RAB31: variants seen among roughly 807,000 people sequenced by gnomAD.
RAB31 encodes the protein RAB31, member RAS oncogene family.
A neutral mutation model predicts 25.6 loss-of-function variants in RAB31; 21 were observed. The observed-to-expected ratio is 0.82, with a 90% CI of 0.58 to 1.18. RAB31 has a LOEUF of 1.18. Among genes scored for constraint, RAB31 ranks in the 50% most tolerant of loss-of-function variants. The pLI, the probability that RAB31 is intolerant of heterozygous loss-of-function variation, is 0.00. For synonymous variants in RAB31, 87 were observed against 84.0 expected, an observed-to-expected ratio of 1.04 and a Z score of -0.20; for missense variants, 196 against 250.1, an observed-to-expected ratio of 0.78 and a Z score of 1.46.
intron 1 of RAB31, among the ~76,000 whole-genome samples, chr18:9,722,130 T>C (rs2068076453): frequency 6.6e-6 from 1 of 152,100 alleles, no homozygotes; most frequent in South Asian, 2.1e-4. Context: ...GGTTTGGGGC[T>C]GGATCAGGCG....
intron 3 of RAB31, chr18:9,797,368 TC>T (rs1386078906): frequency 6.6e-6 from 1 of 152,226 alleles, no homozygotes; most frequent in East Asian, 1.9e-4. Context: ...CAGCGATGCT[TC>T]TGCTTCTCCT....
At chr18:9,759,999 C>T (rs1432799288) in intron 1 of RAB31, among the ~76,000 whole-genome samples, 1 of 152,092 alleles carries the variant, frequency 6.6e-6, no homozygotes, top group Non-Finnish European at 1.5e-5. Context: ...TAAATGGTCC[C>T]TGTTTCTTGC....
rs767728358 is a variant in RAB31 at position 9,859,215 on chromosome 18, C to T, written c.491-13C>T. 1.2e-6 allele frequency: 2 copies of T among 1,606,794 alleles called. No homozygotes were observed. The highest frequency in any genetic ancestry group is 1.7e-6 in the Non-Finnish European group (2 of 1,173,422). ...GGAAAGGGAACTCACCCTTGGCCTC[C>T]TTTTTGTTGCAGGCCGCCAGATCCC... On this transcript the variant is annotated splice_polypyrimidine_tract_variant and intron_variant, in intron 6 of 6. Coordinates refer to ENST00000578921, the MANE Select transcript of RAB31 (RefSeq NM_006868.4).
intron 5 of RAB31, among the ~76,000 whole-genome samples, chr18:9,838,929 A>T (rs552427524): frequency 5.9e-5 from 9 of 152,146 alleles, no homozygotes; most frequent in Admixed American, 1.3e-4. Flanking sequence ...AAGTCCATAG[A>T]TTCCTCCACT....
chr18:9,834,611 G>T (rs576245524), intron 5 of RAB31, among the ~76,000 whole-genome samples: 57 of 152,228 alleles, frequency 3.7e-4, no homozygotes, highest in Non-Finnish European at 7.3e-4. Context: ...CATAAGGAAA[G>T]AAGTCATAAA....
At chr18:9,858,183 C>T (rs969778029) in intron 6 of RAB31, among the ~76,000 whole-genome samples, 3 of 152,104 alleles carry the variant, frequency 2.0e-5, no homozygotes, top group African/African-American at 7.2e-5. Flanking sequence ...AATCAAAGCA[C>T]CAGCTGTACT....
chr18:9,786,005 C>T (rs1219080111), intron 2 of RAB31, among the ~76,000 whole-genome samples: 1 of 151,974 alleles, frequency 6.6e-6, no homozygotes, highest in Non-Finnish European at 1.5e-5. Flanking sequence ...GAGCTGAGAT[C>T]ATGCGACTGC....
chr18:9,742,164 A>T (rs1381055250), intron 1 of RAB31, among the ~76,000 whole-genome samples: 1 of 152,200 alleles, frequency 6.6e-6, no homozygotes, highest in Non-Finnish European at 1.5e-5. Context: ...TGCAACTGTG[A>T]TTGAAGGCGG....
intron 1 of RAB31, among the ~76,000 whole-genome samples, chr18:9,726,973 G>A (rs2068098982): frequency 6.6e-6 from 1 of 152,054 alleles, no homozygotes; most frequent in Non-Finnish European, 1.5e-5. Flanking sequence ...ATTTATTTTT[G>A]CTTGTTTTTA....
At position 9,708,893 on chromosome 18, in the gene RAB31, C is replaced by T. The variant is rs1048305680; in HGVS notation, c.39+449C>T. Among the ~76,000 whole-genome samples, 4 of 152,218 alleles carry T rather than the reference C, an allele frequency of 2.6e-5. No homozygotes were observed. Among genetic ancestry groups the T allele is most frequent in the African/African-American group, 4.8e-5 (2 of 41,456 alleles). On this transcript the variant is annotated intron_variant, in intron 1 of 6. Transcript: ENST00000578921. This position sits in a 1 kb window ranked among gnomAD's most constrained non-coding sequence, Gnocchi z 6.4. ...TCCTCCGCTTTTGATAGTTTCCTTC[C>T]GGCAGAAAGTTTAAGTTGCTCAGCC... is the stretch of plus-strand genomic sequence containing the variant.
chr18:9,747,978 C>G (rs1343668713), intron 1 of RAB31, among the ~76,000 whole-genome samples: 1 of 152,200 alleles, frequency 6.6e-6, no homozygotes, highest in Non-Finnish European at 1.5e-5. Flanking sequence ...GCACATATAA[C>G]ACCTACGGTC....
intron 3 of RAB31, among the ~76,000 whole-genome samples, chr18:9,812,132 T>A (rs2068575314): frequency 6.6e-6 from 1 of 152,116 alleles, no homozygotes; most frequent in Non-Finnish European, 1.5e-5. Flanking sequence ...AAGGGACTAA[T>A]CCCATCTGTG....
At chr18:9,782,807 C>G (rs1188802849) in intron 2 of RAB31, among the ~76,000 whole-genome samples, 4 of 152,166 alleles carry the variant, frequency 2.6e-5, no homozygotes, top group African/African-American at 9.7e-5. Context: ...AGTGATCCTC[C>G]CACCTTAGCC....
intron 1 of RAB31, among the ~76,000 whole-genome samples, chr18:9,718,597 A>C (rs917744234): frequency 1.3e-5 from 2 of 152,214 alleles, no homozygotes; most frequent in African/African-American, 4.8e-5. Context: ...CTAAAGAGCT[A>C]ATTTTTTAAA....
At chr18:9,830,489 G>T (rs2068672382) in intron 5 of RAB31, 1 of 152,026 alleles carries the variant, frequency 6.6e-6, no homozygotes, top group Non-Finnish European at 1.5e-5. Flanking sequence ...CCCCTTGGAG[G>T]TCACTATATT....
At chr18:9,817,325 A>G (rs1452366627) in intron 5 of RAB31, among the ~76,000 whole-genome samples, 1 of 152,208 alleles carries the variant, frequency 6.6e-6, no homozygotes, top group Non-Finnish European at 1.5e-5. Flanking sequence ...CTTGAATGGT[A>G]TCACTTAGGA....
chr18:9,853,755 T>C (rs1040501296), intron 6 of RAB31, among the ~76,000 whole-genome samples: 1 of 152,090 alleles, frequency 6.6e-6, no homozygotes, highest in African/African-American at 2.4e-5. Context: ...ACTAAGATGT[T>C]AAAAATGGGA....
chr18:9,854,854 C>G (rs996898124), intron 6 of RAB31, among the ~76,000 whole-genome samples: 11 of 152,150 alleles, frequency 7.2e-5, no homozygotes, highest in African/African-American at 2.7e-4. Context: ...CAAGTCCTAG[C>G]AAACTTGGTC....
intron 3 of RAB31, among the ~76,000 whole-genome samples, chr18:9,813,043 G>A (rs2068582593): frequency 6.6e-6 from 1 of 152,110 alleles, no homozygotes; most frequent in Non-Finnish European, 1.5e-5. Context: ...ATTAAGACTG[G>A]ACCCTTCTCC....
Sources: allele counts gnomAD v4.1 joint callset (sites outside exome capture counted in the v4.1 genomes callset), GRCh38; gene constraint gnomAD v4.1.1; non-coding constraint Gnocchi (gnomAD v3.1); transcripts MANE v1.5; gene names NCBI Gene and HGNC (gene_info 2026-07-23, HGNC 2026-07-21).